The following MINDY3 variants were observed in gnomAD, a reference collection of about 807,000 sequenced individuals.
MINDY3 encodes MINDY lysine 48 deubiquitinase 3.
Under a neutral mutation model 69.2 loss-of-function variants are expected in MINDY3, and 38 were observed. The observed-to-expected ratio is 0.55, with a 90% CI of 0.42 to 0.72. The LOEUF (loss-of-function observed/expected upper bound fraction) is 0.72, where lower values mean the gene tolerates loss of function less well. Ranked by LOEUF, MINDY3 falls within the 30% of genes least tolerant of loss-of-function variation. The pLI is 0.00. For synonymous variants in MINDY3, 192 were observed against 180.1 expected, an observed-to-expected ratio of 1.07 and a Z score of -0.53; for missense variants, 522 against 519.0, an observed-to-expected ratio of 1.01 and a Z score of -0.06.
At chr10:15,781,747 A>C (rs1331972094) in intron 14 of MINDY3, among the ~76,000 whole-genome samples, 2 of 152,194 alleles carry the variant, frequency 1.3e-5, no homozygotes, top group African/African-American at 4.8e-5. Flanking sequence ...TTTCGGGTAA[A>C]TGCTCAATAT....
rs763903762 is a variant in MINDY3, at chr10:15,855,242, G to A, written c.94+4964C>T. On this transcript the variant is annotated intron_variant, in intron 1 of 14. Coordinates refer to ENST00000277632, the MANE Select transcript of MINDY3 (RefSeq NM_024948.4). ...ATGTTTGAGTGTGTTAACTGATAACGGACAAAGGCTAGTAGAGCCAAAATG... is the reference window on the plus strand; with the variant it reads ...ATGTTTGAGTGTGTTAACTGATAACAGACAAAGGCTAGTAGAGCCAAAATG... 8.6e-5 allele frequency among the ~76,000 whole-genome samples: 13 copies of A among 151,994 alleles called. No individual in the cohort carries two copies. The East Asian group carries it at 1.2e-3, about 14-fold the overall frequency.
At chr10:15,839,612 G>A (rs1264401403) in intron 4 of MINDY3, among the ~76,000 whole-genome samples, 1 of 151,464 alleles carries the variant, frequency 6.6e-6, no homozygotes, top group Non-Finnish European at 1.5e-5. Flanking sequence ...AAAATAAAAA[G>A]CTTAGCAGGC....
chr10:15,808,725 A>C (rs1838798894), intron 10 of MINDY3, among the ~76,000 whole-genome samples: 1 of 152,132 alleles, frequency 6.6e-6, no homozygotes, highest in African/African-American at 2.4e-5. Flanking sequence ...GCTTTTATCA[A>C]AGGAAAGGTC....
At chr10:15,827,350 T>C (rs1449337673) in intron 8 of MINDY3, among the ~76,000 whole-genome samples, 1 of 151,982 alleles carries the variant, frequency 6.6e-6, no homozygotes, top group African/African-American at 2.4e-5. Flanking sequence ...GAGACCAGCC[T>C]GGCTAACATG....
At chr10:15,793,180 C>G (rs918442157) in intron 11 of MINDY3, among the ~76,000 whole-genome samples, 1 of 152,100 alleles carries the variant, frequency 6.6e-6, no homozygotes, top group African/African-American at 2.4e-5. Context: ...ACATTTTCTT[C>G]CACAAAAAAG....
At chr10:15,795,787 AAAG>A (rs1254489091) in intron 11 of MINDY3, among the ~76,000 whole-genome samples, 3 of 152,044 alleles carry the variant, frequency 2.0e-5, no homozygotes, top group African/African-American at 7.2e-5. Context: ...TTGGATAAGT[AAAG>A]AAGAAAATGA....
At chr10:15,809,403 C>G (rs539246116) in intron 10 of MINDY3, among the ~76,000 whole-genome samples, 2 of 152,078 alleles carry the variant, frequency 1.3e-5, no homozygotes, top group African/African-American at 2.4e-5. Context: ...TTTCAAAATA[C>G]ATTTCTTTTT....
intron 14 of MINDY3, among the ~76,000 whole-genome samples, chr10:15,781,359 G>A (rs2131816714): frequency 6.7e-6 from 1 of 149,750 alleles, no homozygotes; most frequent in Admixed American, 6.7e-5. Context: ...AGGAATGTTA[G>A]ACCTTATTCC....
intron 10 of MINDY3, among the ~76,000 whole-genome samples, chr10:15,802,782 C>T (rs890320360): frequency 6.6e-6 from 1 of 151,720 alleles, no homozygotes; most frequent in African/African-American, 2.4e-5. Flanking sequence ...ACTGTCATTA[C>T]TAATACAACA....
chr10:15,808,358 T>C (rs1457448694), intron 10 of MINDY3, among the ~76,000 whole-genome samples: 1 of 152,190 alleles, frequency 6.6e-6, no homozygotes, highest in Non-Finnish European at 1.5e-5. Context: ...ATGCCAACTG[T>C]GAATTTTCTT....
chr10:15,855,938 T>C (rs1834658346), intron 1 of MINDY3, among the ~76,000 whole-genome samples: 1 of 152,136 alleles, frequency 6.6e-6, no homozygotes, highest in East Asian at 1.9e-4. Flanking sequence ...TAAAACAAAT[T>C]ATATATTCAA....
intron 1 of MINDY3, among the ~76,000 whole-genome samples, chr10:15,858,386 T>A (rs1331571304): frequency 6.6e-6 from 1 of 152,212 alleles, no homozygotes; most frequent in African/African-American, 2.4e-5. Flanking sequence ...TGATTAGCCA[T>A]CAAATAAACA....
chr10:15,832,853 T>C (rs1406568268), intron 8 of MINDY3, among the ~76,000 whole-genome samples: 1 of 152,200 alleles, frequency 6.6e-6, no homozygotes, highest in Non-Finnish European at 1.5e-5. Flanking sequence ...ATCACTTCAA[T>C]GGGAGCAAAA....
intron 1 of MINDY3, among the ~76,000 whole-genome samples, chr10:15,853,816 T>C (rs951561250): frequency 6.6e-6 from 1 of 152,030 alleles, no homozygotes; most frequent in African/African-American, 2.4e-5. Context: ...AGTATCTGGC[T>C]GACATTTTCT....
In MINDY3 at chr10:15,844,574, T is replaced by C. The variant is rs1016617850; in HGVS notation, c.175-1302A>G. On this transcript the variant is annotated intron_variant, in intron 2 of 14. Coordinates refer to ENST00000277632, the MANE Select transcript of MINDY3 (RefSeq NM_024948.4). ...TTTACTTATTATTTAAATTACATTATTGTGCATTAGGTTGCTTGCAATTTT... is the reference window on the plus strand; with the variant it reads ...TTTACTTATTATTTAAATTACATTACTGTGCATTAGGTTGCTTGCAATTTT... Among the ~76,000 whole-genome samples, 7 of 152,348 alleles carry C rather than the reference T, an allele frequency of 4.6e-5. No individual in the cohort carries two copies. The South Asian group carries it at 1.2e-3, about 27-fold the overall frequency.
intron 13 of MINDY3, 150 bp from the exon 14 acceptor site, chr10:15,782,376 G>A: frequency 1.7e-6 from 1 of 577,076 alleles, no homozygotes; most frequent in Non-Finnish European, 3.0e-6. Flanking sequence ...TTATGGAGTT[G>A]TAACTACCAG....
chr10:15,860,020 C>T (rs982174964), intron 1 of MINDY3, among the ~76,000 whole-genome samples, 186 bp downstream of exon 1: 3 of 152,218 alleles, frequency 2.0e-5, no homozygotes, highest in Non-Finnish European at 1.5e-5. Flanking sequence ...TGTAACCATT[C>T]TCCTACTCAA....
chr10:15,843,372 C>G, intron 2 of MINDY3, 100 bp from the exon 3 acceptor site: 9 of 961,682 alleles, frequency 9.4e-6, no homozygotes. Flanking sequence ...TACTCCCTTT[C>G]TAATCTTTTG....
intron 11 of MINDY3, among the ~76,000 whole-genome samples, chr10:15,792,305 C>T (rs1257489159): frequency 6.6e-6 from 1 of 152,030 alleles, no homozygotes; most frequent in East Asian, 1.9e-4. Flanking sequence ...TCCCCAGGGC[C>T]TAGCACAGTG....
Sources: gnomAD v4.1 joint callset for allele counts (sites outside exome capture counted in the v4.1 genomes callset) on GRCh38, gnomAD v4.1.1 for gene constraint, MANE v1.5 for transcripts, NCBI Gene and HGNC (gene_info 2026-07-23, HGNC 2026-07-21) for gene names.